SH3BGRL: variants seen among roughly 807,000 people sequenced by gnomAD.
SH3BGRL encodes the protein adapter SH3BGRL.
In SH3BGRL, 7 loss-of-function variants were observed where a neutral mutation model predicts 9.8. That is an observed-to-expected ratio of 0.72 (90% CI 0.41 to 1.35). The LOEUF is 1.35. Ranked by LOEUF, SH3BGRL falls within the 40% of genes most tolerant of loss-of-function variation. The pLI is 0.01. For synonymous variants in SH3BGRL, 36 were observed against 29.1 expected, an observed-to-expected ratio of 1.24 and a Z score of -0.76; for missense variants, 73 against 84.4, an observed-to-expected ratio of 0.86 and a Z score of 0.53.
At chrX:81,265,009 ATTTT>A (rs772578478) in intron 1 of SH3BGRL, among the ~76,000 whole-genome samples, 2 of 91,949 alleles carry the variant, frequency 2.2e-5, no homozygotes, top group African/African-American at 3.9e-5. Context: ...GAATGACTGT[ATTTT>A]TTTTTTTTTT....
At chrX:81,238,989 A>C (rs2075658636) in intron 1 of SH3BGRL, among the ~76,000 whole-genome samples, 1 of 111,992 alleles carries the variant, frequency 8.9e-6, no homozygotes, top group Non-Finnish European at 1.9e-5. Flanking sequence ...TGCCTTCTGA[A>C]GCAGCTGCAG....
intron 1 of SH3BGRL, among the ~76,000 whole-genome samples, chrX:81,206,808 A>G (rs1311310948): frequency 8.9e-6 from 1 of 112,121 alleles, no homozygotes; most frequent in African/African-American, 3.2e-5. Context: ...GGAAAGCCTA[A>G]ACTGGTCTGG....
At chrX:81,214,222 G>A (rs2075574476) in intron 1 of SH3BGRL, among the ~76,000 whole-genome samples, 2 of 111,544 alleles carry the variant, frequency 1.8e-5, no homozygotes, top group South Asian at 7.4e-4. Flanking sequence ...TTCAAAATAA[G>A]GAAATGATTA....
chrX:81,259,968 T>G (rs2075736279), intron 1 of SH3BGRL, among the ~76,000 whole-genome samples: 1 of 111,855 alleles, frequency 8.9e-6, no homozygotes, highest in African/African-American at 3.2e-5. Flanking sequence ...CAGGAGGCTT[T>G]TATTGCTGCT....
chrX:81,244,593 A>C (rs2075682114), intron 1 of SH3BGRL, among the ~76,000 whole-genome samples: 1 of 112,041 alleles, frequency 8.9e-6, no homozygotes, highest in African/African-American at 3.2e-5. Context: ...ATAGATTTCT[A>C]ATGGCTCATG....
rs766108788 is a variant in SH3BGRL at position 81,273,119 on chromosome X, G to A, written c.46-3865G>A. Among the ~76,000 whole-genome samples the A allele has an allele frequency of 1.5e-4, 17 of 111,745 alleles. No individual in the cohort carries two copies. In the South Asian group the frequency reaches 6.0e-3, roughly 40 times the overall value. On this transcript the variant is annotated intron_variant, in intron 1 of 3. Coordinates refer to ENST00000373212, the MANE Select transcript of SH3BGRL (RefSeq NM_003022.3). ...CACCTTTGTGAGCTCAGTTTCTACCGTTGGCCAGTTATATTAAATTTTATT... is the reference window on the plus strand; with the variant it reads ...CACCTTTGTGAGCTCAGTTTCTACCATTGGCCAGTTATATTAAATTTTATT...
At chrX:81,275,856 G>C (rs1334190119) in intron 1 of SH3BGRL, among the ~76,000 whole-genome samples, 1 of 111,665 alleles carries the variant, frequency 9.0e-6, no homozygotes, top group Non-Finnish European at 1.9e-5. Flanking sequence ...TCACAATCAC[G>C]AGCAACTTAG....
chrX:81,264,425 C>A (rs1177083489), intron 1 of SH3BGRL, among the ~76,000 whole-genome samples: 2 of 111,376 alleles, frequency 1.8e-5, no homozygotes, highest in Non-Finnish European at 3.8e-5. Context: ...ATAGCCACCC[C>A]AAAAAGGGTT....
At chrX:81,294,327 A>C (rs960635225) in intron 3 of SH3BGRL, among the ~76,000 whole-genome samples, 1 of 109,999 alleles carries the variant, frequency 9.1e-6, no homozygotes, top group African/African-American at 3.3e-5. Context: ...CAGTGTCTGC[A>C]TACTGTGTGC....
chrX:81,239,021 AT>A (rs2075658755), intron 1 of SH3BGRL, among the ~76,000 whole-genome samples: 1 of 111,947 alleles, frequency 8.9e-6, no homozygotes, highest in South Asian at 3.7e-4. Context: ...AACCCAATTT[AT>A]TTTGAATATC....
chrX:81,212,861 C>T (rs1602593529), intron 1 of SH3BGRL, among the ~76,000 whole-genome samples: 2 of 112,006 alleles, frequency 1.8e-5, no homozygotes, highest in African/African-American at 3.2e-5. Context: ...GCATCTAATA[C>T]GATCTTGTCA....
intron 3 of SH3BGRL, among the ~76,000 whole-genome samples, chrX:81,291,825 G>A (rs1021046142): frequency 1.8e-5 from 2 of 112,132 alleles, no homozygotes; most frequent in African/African-American, 6.5e-5. Context: ...CTCTATGTAA[G>A]ACTGAAACCA....
intron 1 of SH3BGRL, among the ~76,000 whole-genome samples, chrX:81,214,659 A>G (rs1329708283): frequency 8.9e-6 from 1 of 112,088 alleles, no homozygotes; most frequent in Non-Finnish European, 1.9e-5. Context: ...AAATATTTTT[A>G]TATTGTTCTA....
At chrX:81,220,848 A>G (rs1335721751) in intron 1 of SH3BGRL, among the ~76,000 whole-genome samples, 1 of 109,915 alleles carries the variant, frequency 9.1e-6, no homozygotes, top group African/African-American at 3.3e-5. Context: ...AGATTTTTCA[A>G]TTTTCTTAAT....
chrX:81,234,573 A>G (rs1230501446), intron 1 of SH3BGRL, among the ~76,000 whole-genome samples: 1 of 112,188 alleles, frequency 8.9e-6, no homozygotes, highest in Non-Finnish European at 1.9e-5. Context: ...TTCTGTTGTG[A>G]AAGTATGTGT....
At chrX:81,256,412 T>G (rs2147697913) in intron 1 of SH3BGRL, among the ~76,000 whole-genome samples, 1 of 112,340 alleles carries the variant, frequency 8.9e-6, no homozygotes, top group Non-Finnish European at 1.9e-5. Flanking sequence ...TAGATTCTCT[T>G]ACTTTAGAAG....
At chrX:81,269,104 G>A (rs1368792613) in intron 1 of SH3BGRL, among the ~76,000 whole-genome samples, 5 of 111,391 alleles carry the variant, frequency 4.5e-5, no homozygotes, top group Non-Finnish European at 9.4e-5. Context: ...TTGGGCCTAT[G>A]TTTGTCTCTG....
chrX:81,245,067 A>G (rs1212737676), intron 1 of SH3BGRL, among the ~76,000 whole-genome samples: 2 of 112,104 alleles, frequency 1.8e-5, no homozygotes, highest in Non-Finnish European at 3.8e-5. Flanking sequence ...AATTAGGCCA[A>G]AACAGGCTTG....
At chrX:81,243,097 T>G (rs2075676400) in intron 1 of SH3BGRL, among the ~76,000 whole-genome samples, 1 of 112,328 alleles carries the variant, frequency 8.9e-6, no homozygotes, top group Admixed American at 9.4e-5. Flanking sequence ...GCCATGTTTG[T>G]TGTAGCATTC....
Sources: gnomAD v4.1 joint callset for allele counts (sites outside exome capture counted in the v4.1 genomes callset) on GRCh38, gnomAD v4.1.1 for gene constraint, MANE v1.5 for transcripts, NCBI Gene and HGNC (gene_info 2026-07-23, HGNC 2026-07-21) for gene names.